Variants in OSBPL10 observed in about 807,000 individuals in gnomAD.
OSBPL10 encodes the protein oxysterol binding protein like 10, also known as oxysterol-binding protein-related protein 10.
In OSBPL10, 49 loss-of-function variants were observed where a neutral mutation model predicts 81.7. The ratio of observed to expected loss-of-function variants is 0.60; its 90% CI spans 0.48 to 0.76. The LOEUF (loss-of-function observed/expected upper bound fraction) is 0.76. Ranked by LOEUF, OSBPL10 falls within the 30% of genes least tolerant of loss-of-function variation. The probability of loss-of-function intolerance (pLI) is 0.00; values close to 1 mark genes in which losing one functional copy is unlikely to be tolerated. For missense variants in OSBPL10, 923 were observed against 987.8 expected, an observed-to-expected ratio of 0.93 and a Z score of 0.88; for synonymous variants, 419 against 383.6, an observed-to-expected ratio of 1.09 and a Z score of -1.08.
chr3:31,892,647 CA>C (rs912586298), intron 1 of OSBPL10, among the ~76,000 whole-genome samples: 2 of 152,216 alleles, frequency 1.3e-5, no homozygotes, highest in African/African-American at 4.8e-5. Context: ...GGGCTGTCCC[CA>C]GCCTCCTCCT....
chr3:31,732,539 G>A (rs1197736503), intron 6 of OSBPL10: 4 of 152,324 alleles, frequency 2.6e-5, no homozygotes, highest in African/African-American at 7.2e-5. Flanking sequence ...ACTATATCAT[G>A]TGCATCAAAA....
rs189530364 is a variant in OSBPL10 at position 32,037,758 on chromosome 3, G to A, written n.298+8733C>T. 7.1e-5 allele frequency: 11 copies of A among 155,604 alleles called. No homozygotes were observed. In the East Asian group the frequency reaches 1.9e-3, roughly 26 times the overall value. 9.6% of individuals were successfully genotyped at this position (155,604 alleles called of 1,614,324 possible). A position where few individuals can be genotyped will look rare whatever the true frequency, so the allele number is the denominator to read the frequency against. On this transcript the variant is annotated intron_variant and non_coding_transcript_variant, in intron 2 of 3. Transcript: ENST00000479173. ...CCACCCAGTTGTCTCTCAGCCTGAGGGGGGAAATCTGACACTTCCTCTGCA... is the reference window on the plus strand; with the variant it reads ...CCACCCAGTTGTCTCTCAGCCTGAGAGGGGAAATCTGACACTTCCTCTGCA...
At chr3:31,894,447 A>G (rs1695997059) in intron 1 of OSBPL10, among the ~76,000 whole-genome samples, 1 of 152,230 alleles carries the variant, frequency 6.6e-6, no homozygotes, top group Non-Finnish European at 1.5e-5. Context: ...ATGCTGACAA[A>G]GTGTCAGTAA....
intron 1 of OSBPL10, among the ~76,000 whole-genome samples, chr3:31,929,708 A>G (rs894954423): frequency 1.3e-5 from 2 of 151,250 alleles, no homozygotes; most frequent in African/African-American, 4.9e-5. Context: ...AGATAGCGCC[A>G]CTGGACTCCA....
chr3:32,042,684 G>T (rs567147435), intron 2 of OSBPL10, among the ~76,000 whole-genome samples: 2 of 152,196 alleles, frequency 1.3e-5, no homozygotes, highest in African/African-American at 4.8e-5. Context: ...ATCACATATC[G>T]GTAGGACCGT....
chr3:31,951,182 T>C (rs1034319976), intron 1 of OSBPL10, among the ~76,000 whole-genome samples: 3 of 151,572 alleles, frequency 2.0e-5, no homozygotes, highest in South Asian at 2.1e-4. Context: ...ATTTGTGACA[T>C]AGTCACACAA....
At chr3:31,807,128 C>T (rs376638555) in intron 4 of OSBPL10, among the ~76,000 whole-genome samples, 1 of 152,236 alleles carries the variant, frequency 6.6e-6, no homozygotes, top group East Asian at 1.9e-4. Flanking sequence ...GCCTATAATC[C>T]CAGCACTTTG....
At chr3:31,847,673 C>T (rs950493574) in intron 3 of OSBPL10, among the ~76,000 whole-genome samples, 1 of 151,134 alleles carries the variant, frequency 6.6e-6, no homozygotes, top group African/African-American at 2.5e-5. Context: ...CATTTTGAGT[C>T]AACAAGATTT....
chr3:31,886,168 G>C lies in OSBPL10; in HGVS notation c.282-6338C>G, dbSNP rs145601023. 3.2e-3 allele frequency among the ~76,000 whole-genome samples: 488 copies of C among 152,118 alleles called. 8 individuals carry two copies. The highest frequency in any genetic ancestry group is 7.8e-4 in the East Asian group (4 of 5,158). The stretch of plus-strand genomic sequence containing the variant: ...TTCTTTGAAGCACTCTGCTAGACAG[G>C]CTGGTTCTAACAAAAAGCAAAATCA... On this transcript the variant is annotated intron_variant, in intron 1 of 11. Coordinates refer to ENST00000396556, the MANE Select transcript of OSBPL10 (RefSeq NM_017784.5).
chr3:31,815,746 C>G (rs1272909546), intron 4 of OSBPL10, among the ~76,000 whole-genome samples: 1 of 152,118 alleles, frequency 6.6e-6, no homozygotes, highest in Non-Finnish European at 1.5e-5. Context: ...GAGACAAAAC[C>G]AAGAATAAGA....
At chr3:31,976,522 A>G (rs1698699836) in intron 1 of OSBPL10, among the ~76,000 whole-genome samples, 1 of 152,202 alleles carries the variant, frequency 6.6e-6, no homozygotes, top group Admixed American at 6.5e-5. Context: ...GTGTGATCAT[A>G]GCTCACTGCA....
intron 7 of OSBPL10, 122 bp downstream of exon 7, chr3:31,702,237 C>A: frequency 8.4e-7 from 1 of 1,188,396 alleles, no homozygotes; most frequent in East Asian, 2.5e-5. Flanking sequence ...GCAATGCTGG[C>A]CTTTTTCCCC....
At chr3:31,806,922 CAG>C (rs1699535439) in intron 4 of OSBPL10, among the ~76,000 whole-genome samples, 1 of 151,990 alleles carries the variant, frequency 6.6e-6, no homozygotes, top group African/African-American at 2.4e-5. Flanking sequence ...ACCCAGGAAA[CAG>C]GGGTCTGGGA....
chr3:31,726,884 C>G (rs1038545907), intron 6 of OSBPL10, among the ~76,000 whole-genome samples: 1 of 151,732 alleles, frequency 6.6e-6, no homozygotes, highest in Non-Finnish European at 1.5e-5. Flanking sequence ...CACTCTGTCA[C>G]CAAGGTTCAA....
intron 2 of OSBPL10, among the ~76,000 whole-genome samples, chr3:32,035,850 T>C (rs1699513232): frequency 6.6e-6 from 1 of 152,120 alleles, no homozygotes. Context: ...TTGGGTGGCA[T>C]TAAGTCACAT....
At chr3:31,923,956 A>G (rs902372045) in intron 1 of OSBPL10, among the ~76,000 whole-genome samples, 1 of 151,934 alleles carries the variant, frequency 6.6e-6, no homozygotes, top group Non-Finnish European at 1.5e-5. Context: ...TGGTGGTTCA[A>G]GCCTGTAATC....
At chr3:31,693,902 G>A (rs2125573529) in intron 7 of OSBPL10, among the ~76,000 whole-genome samples, 1 of 152,186 alleles carries the variant, frequency 6.6e-6, no homozygotes, top group Middle Eastern at 3.4e-3. Flanking sequence ...CCAGTAGCTG[G>A]GAACATAGGT....
At chr3:31,880,648 C>A (rs1413034062) in intron 1 of OSBPL10, among the ~76,000 whole-genome samples, 1 of 152,194 alleles carries the variant, frequency 6.6e-6, no homozygotes, top group Non-Finnish European at 1.5e-5. Flanking sequence ...TACCTTCTCA[C>A]TTCATCTTCC....
chr3:31,875,738 A>G (rs972313712), intron 3 of OSBPL10, among the ~76,000 whole-genome samples: 1 of 152,222 alleles, frequency 6.6e-6, no homozygotes, highest in African/African-American at 2.4e-5. Context: ...TGGAATACAG[A>G]AAAAGATAGC....
Sources: allele counts gnomAD v4.1 joint callset (sites outside exome capture counted in the v4.1 genomes callset), GRCh38; gene constraint gnomAD v4.1.1; transcripts MANE v1.5; gene names NCBI Gene and HGNC (gene_info 2026-07-23, HGNC 2026-07-21).